Variants in RNF6 observed in about 807,000 individuals in gnomAD.
RNF6 encodes E3 ubiquitin-protein ligase RNF6.
In RNF6, 21 loss-of-function variants were observed where a neutral mutation model predicts 50.1. The ratio of observed to expected loss-of-function variants is 0.42; its 90% CI spans 0.30 to 0.60. RNF6 has a LOEUF of 0.60. Ranked by LOEUF, RNF6 falls within the 20% of genes least tolerant of loss-of-function variation. The pLI is 0.20. For synonymous variants in RNF6, 255 were observed against 291.8 expected, an observed-to-expected ratio of 0.87 and a Z score of 1.29; for missense variants, 698 against 838.2, an observed-to-expected ratio of 0.83 and a Z score of 2.07.
chr13:26,218,451 A>C, intron 4 of RNF6, 60 bp downstream of exon 4: 1 of 1,331,026 alleles, frequency 7.5e-7, no homozygotes, highest in Non-Finnish European at 1.1e-6. Context: ...AGGTCTAAGA[A>C]TTTCATTTCT....
intron 5 of RNF6, among the ~76,000 whole-genome samples, chr13:26,134,996 A>G (rs1035971266): frequency 2.6e-5 from 4 of 152,244 alleles, no homozygotes; most frequent in African/African-American, 9.6e-5. Flanking sequence ...ACGTGAATAG[A>G]CAAATGTAAA....
chr13:26,183,782 A>G (rs1402763161), intron 5 of RNF6, among the ~76,000 whole-genome samples: 1 of 151,568 alleles, frequency 6.6e-6, no homozygotes, highest in African/African-American at 2.4e-5. Context: ...CTTTTCACTC[A>G]TATTCTCACA....
intron 5 of RNF6, among the ~76,000 whole-genome samples, chr13:26,151,420 G>A (rs1268262296): frequency 2.6e-5 from 4 of 151,972 alleles, no homozygotes. Context: ...ATGCCACCAC[G>A]CCCAGCTAAT....
chr13:26,194,759 T>C (rs1443741595), intron 5 of RNF6, among the ~76,000 whole-genome samples: 2 of 152,084 alleles, frequency 1.3e-5, no homozygotes, highest in African/African-American at 4.8e-5. Flanking sequence ...ACTGAAGAAC[T>C]TGGAGTCTGA....
chr13:26,158,513 T>A (rs997604120), intron 5 of RNF6, among the ~76,000 whole-genome samples: 1 of 152,210 alleles, frequency 6.6e-6, no homozygotes, highest in East Asian at 1.9e-4. Flanking sequence ...GTTGGTCTAT[T>A]TATAAATATC....
At chr13:26,195,846 G>C (rs1868639111) in intron 5 of RNF6, among the ~76,000 whole-genome samples, 1 of 151,998 alleles carries the variant, frequency 6.6e-6, no homozygotes, top group African/African-American at 2.4e-5. Flanking sequence ...GCATATTTTG[G>C]TAACTTCTCT....
intron 5 of RNF6, among the ~76,000 whole-genome samples, chr13:26,176,890 C>T (rs753366277): frequency 2.0e-5 from 3 of 152,120 alleles, no homozygotes; most frequent in Non-Finnish European, 4.4e-5. Flanking sequence ...GCCGAGGTGG[C>T]GCGATTGCAC....
chr13:26,152,305 C>T (rs538197215), intron 5 of RNF6, among the ~76,000 whole-genome samples: 6 of 152,304 alleles, frequency 3.9e-5, no homozygotes, highest in African/African-American at 1.4e-4. Flanking sequence ...AAAAGACGCC[C>T]AATGTTTCCA....
At position 26,160,011 on chromosome 13, in the gene RNF6, A is replaced by G. The variant is rs1351532860; in HGVS notation, n.769-27560T>C. ...AAATCTTGTCAAAATGATGTCTATGATATAAACTACTGATCATTTCTACTC... is the reference window on the plus strand; with the variant it reads ...AAATCTTGTCAAAATGATGTCTATGGTATAAACTACTGATCATTTCTACTC... On this transcript the variant is annotated intron_variant and non_coding_transcript_variant, in intron 5 of 5. Transcript: ENST00000468480. Among the ~76,000 whole-genome samples the G allele has an allele frequency of 2.0e-5, 3 of 152,164 alleles. No homozygotes were observed. In the South Asian group the frequency reaches 6.2e-4, roughly 31 times the overall value.
At position 26,180,402 on chromosome 13, in the gene RNF6, A is replaced by C. The variant is rs1299244192; in HGVS notation, n.768+35072T>G. Among the ~76,000 whole-genome samples, 3 of 152,058 alleles carry C rather than the reference A, an allele frequency of 2.0e-5. No homozygotes were observed. The East Asian group carries it at 5.8e-4, about 29-fold the overall frequency. Reference sequence around the variant, plus strand: ...CTTTCACAAACAGTTGAAAACCCAAAATTCCAAAACAGCAGGCCCCATTTG... The same window carrying C: ...CTTTCACAAACAGTTGAAAACCCAACATTCCAAAACAGCAGGCCCCATTTG... On this transcript the variant is annotated intron_variant and non_coding_transcript_variant, in intron 5 of 5. Coordinates refer to the RNF6 transcript ENST00000468480.
intron 5 of RNF6, among the ~76,000 whole-genome samples, chr13:26,183,272 C>T (rs1873328418): frequency 6.6e-6 from 1 of 152,134 alleles, no homozygotes; most frequent in Non-Finnish European, 1.5e-5. Flanking sequence ...CACACGAGAA[C>T]AGATTCACTA....
intron 3 of RNF6, 126 bp from the exon 4 acceptor site, chr13:26,218,732 A>G: frequency 1.5e-6 from 1 of 651,314 alleles, no homozygotes; most frequent in Non-Finnish European, 2.6e-6. Flanking sequence ...TATGTTCTGT[A>G]AATTGAAGAC....
downstream of RNF6, among the ~76,000 whole-genome samples, chr13:26,208,177 A>C (rs1379049799): frequency 6.6e-6 from 1 of 152,220 alleles, no homozygotes; most frequent in Non-Finnish European, 1.5e-5. Flanking sequence ...CTTAGCTGGC[A>C]GCCTGGAACT....
chr13:26,152,089 A>G (rs1871639111), intron 5 of RNF6, among the ~76,000 whole-genome samples: 1 of 151,962 alleles, frequency 6.6e-6, no homozygotes, highest in Admixed American at 6.6e-5. Flanking sequence ...CTGCTTTTCC[A>G]CTCTATCCTA....
chr13:26,136,236 T>A (rs1405523473), intron 5 of RNF6, among the ~76,000 whole-genome samples: 1 of 152,168 alleles, frequency 6.6e-6, no homozygotes, highest in Non-Finnish European at 1.5e-5. Context: ...ACCCTTATAG[T>A]CCTGTGTGAT....
intron 2 of RNF6, among the ~76,000 whole-genome samples, 198 bp from the exon 3 acceptor site, chr13:26,219,865 T>G (rs764801370): frequency 9.9e-5 from 15 of 152,188 alleles, no homozygotes; most frequent in South Asian, 2.1e-4. Context: ...TGGCACTTAC[T>G]TCTTTGCCTA....
chr13:26,208,552 T>G (rs1349248954), downstream of RNF6, among the ~76,000 whole-genome samples: 1 of 152,196 alleles, frequency 6.6e-6, no homozygotes. Flanking sequence ...CTGTAATAAA[T>G]CTTAGCTGTG....
chr13:26,161,793 C>T (rs1450129635), intron 5 of RNF6, among the ~76,000 whole-genome samples: 1 of 152,104 alleles, frequency 6.6e-6, no homozygotes, highest in East Asian at 1.9e-4. Context: ...GTCAGGTTCA[C>T]CTCAACGCAC....
At chr13:26,160,538 CTTCTTCTTTTTTTTTT>C (rs1872155311) in intron 5 of RNF6, among the ~76,000 whole-genome samples, 2 of 52,762 alleles carry the variant, frequency 3.8e-5, no homozygotes, top group Admixed American at 2.3e-4. Context: ...TTCTTCTCTT[CTTCTTCTTTTTTTTTT>C]TTTTTTTTTT....
Sources: gnomAD v4.1 joint callset for allele counts (sites outside exome capture counted in the v4.1 genomes callset) on GRCh38, gnomAD v4.1.1 for gene constraint, MANE v1.5 for transcripts, NCBI Gene and HGNC (gene_info 2026-07-23, HGNC 2026-07-21) for gene names.